SYT14: variants seen among roughly 807,000 people sequenced by gnomAD.
SYT14 encodes synaptotagmin-14.
A neutral mutation model predicts 74.2 loss-of-function variants in SYT14; 32 were observed. The ratio of observed to expected loss-of-function variants is 0.43; its 90% CI spans 0.33 to 0.58. SYT14 has a LOEUF of 0.58. Among genes scored for constraint, SYT14 ranks in the 20% least tolerant of loss-of-function variants. The pLI, the probability that SYT14 is intolerant of heterozygous loss-of-function variation, is 0.05. For missense variants in SYT14, 791 were observed against 981.8 expected, an observed-to-expected ratio of 0.81 and a Z score of 2.60; for synonymous variants, 298 against 337.7, an observed-to-expected ratio of 0.88 and a Z score of 1.29.
intron 5 of SYT14, among the ~76,000 whole-genome samples, chr1:210,068,104 G>A (rs1269415954): frequency 6.6e-6 from 1 of 151,738 alleles, no homozygotes; most frequent in African/African-American, 2.4e-5. Context: ...TTGAATTAAG[G>A]AAATTCCCTT....
intron 7 of SYT14, among the ~76,000 whole-genome samples, chr1:210,140,755 AT>A (rs751769698): frequency 1.2e-4 from 19 of 152,086 alleles, no homozygotes; most frequent in Non-Finnish European, 2.4e-4. Context: ...TTGAAAAAAA[AT>A]CTTTTTTTCA....
intron 7 of SYT14, among the ~76,000 whole-genome samples, chr1:210,139,320 G>A (rs867145458): frequency 1.9e-5 from 2 of 107,112 alleles, no homozygotes; most frequent in African/African-American, 7.4e-5. Context: ...TTGCCATGTT[G>A]CCCAGGCTGG....
intron 1 of SYT14, among the ~76,000 whole-genome samples, chr1:209,946,242 C>T (rs1350844039): frequency 6.6e-6 from 1 of 152,192 alleles, no homozygotes; most frequent in African/African-American, 2.4e-5. Flanking sequence ...AGTCACATGT[C>T]TCTCACTTTA....
chr1:209,967,996 C>A (rs1220852896), intron 2 of SYT14, among the ~76,000 whole-genome samples: 1 of 151,984 alleles, frequency 6.6e-6, no homozygotes, highest in African/African-American at 2.4e-5. Context: ...TTAAAAAAAT[C>A]AGTATATTGA....
chr1:210,032,932 A>G (rs965464836), intron 5 of SYT14, among the ~76,000 whole-genome samples: 3 of 149,460 alleles, frequency 2.0e-5, no homozygotes, highest in African/African-American at 4.9e-5. Context: ...TGCATTTTCA[A>G]TTTTTTTTTT....
intron 3 of SYT14, among the ~76,000 whole-genome samples, chr1:210,014,396 G>A (rs980940189): frequency 6.9e-6 from 1 of 145,606 alleles, no homozygotes; most frequent in Non-Finnish European, 1.5e-5. Context: ...TTTCTCCTAT[G>A]GAAACATTTT....
chr1:210,156,945 C>A, intron 8 of SYT14: 1 of 307,808 alleles, frequency 3.2e-6, no homozygotes, highest in Non-Finnish European at 7.2e-6. Context: ...CCATCCACTT[C>A]GGCCTCCCAA....
At chr1:209,984,502 A>G (rs539458209) in intron 2 of SYT14, among the ~76,000 whole-genome samples, 16 of 152,272 alleles carry the variant, frequency 1.1e-4, no homozygotes, top group African/African-American at 3.4e-4. Flanking sequence ...TATCTTTTAA[A>G]AATTTTTAAA....
intron 5 of SYT14, among the ~76,000 whole-genome samples, chr1:210,032,646 G>C (rs534830713): frequency 2.4e-4 from 26 of 109,884 alleles, no homozygotes; most frequent in African/African-American, 1.3e-3. Flanking sequence ...TCTGACTCTA[G>C]TACCCAGTAA....
chr1:210,068,967 A>C (rs2081344822), intron 5 of SYT14, among the ~76,000 whole-genome samples: 2 of 151,846 alleles, frequency 1.3e-5, no homozygotes, highest in Non-Finnish European at 2.9e-5. Flanking sequence ...AACACATTTT[A>C]ATATGCAATA....
At chr1:210,108,787 A>C (rs2082205732) in intron 7 of SYT14, among the ~76,000 whole-genome samples, 1 of 152,208 alleles carries the variant, frequency 6.6e-6, no homozygotes, top group Non-Finnish European at 1.5e-5. Flanking sequence ...TATGGGCAGG[A>C]GAAGTAGAAA....
intron 5 of SYT14, among the ~76,000 whole-genome samples, chr1:210,050,173 C>G (rs886608956): frequency 6.6e-6 from 1 of 152,176 alleles, no homozygotes; most frequent in Non-Finnish European, 1.5e-5. Context: ...GTCTTGAATG[C>G]TTTTCTGCTT....
chr1:210,160,599 G>T (rs868344775), intron 9 of SYT14, 130 bp from the exon 9 acceptor site: 2 of 796,314 alleles, frequency 2.5e-6, no homozygotes, highest in Non-Finnish European at 3.9e-6. Flanking sequence ...GGAATTGGTC[G>T]AATGTCCATT....
intron 5 of SYT14, among the ~76,000 whole-genome samples, chr1:210,034,027 A>G (rs1034864197): frequency 4.6e-5 from 7 of 151,878 alleles, no homozygotes; most frequent in Non-Finnish European, 8.9e-5. Context: ...TAAAAAGTAT[A>G]GTTCTGCAAA....
intron 1 of SYT14, 54 bp downstream of exon 1, chr1:209,938,331 G>A: frequency 6.6e-7 from 1 of 1,521,756 alleles, no homozygotes; most frequent in Non-Finnish European, 8.9e-7. Flanking sequence ...AGCTGGCGGG[G>A]GGCTCGGAGG....
rs2082274161 is a variant in SYT14, at chr1:210,112,092, C to G, written c.2034+11631C>G. Among the ~76,000 whole-genome samples the G allele has an allele frequency of 1.3e-5, 2 of 151,294 alleles. 1 individual carries two copies. Among genetic ancestry groups the G allele is most frequent in the African/African-American group, 4.9e-5 (2 of 40,576 alleles). ...GGAAGGCCAAACCAAGGAATTATGT[C>G]TCACAGAAGGGAAGAAATGACTGCA... On this transcript the variant is annotated intron_variant, in intron 7 of 9. Coordinates refer to ENST00000637265, the Ensembl canonical transcript of SYT14.
chr1:210,142,945 C>T (rs1029243840), intron 7 of SYT14, among the ~76,000 whole-genome samples: 4 of 152,208 alleles, frequency 2.6e-5, no homozygotes, highest in African/African-American at 9.7e-5. Context: ...ACATGAATCT[C>T]TGTTTTATAA....
At chr1:210,074,016 G>A (rs971708249) in intron 5 of SYT14, among the ~76,000 whole-genome samples, 1 of 152,112 alleles carries the variant, frequency 6.6e-6, no homozygotes, top group Non-Finnish European at 1.5e-5. Context: ...TGGTTTAACA[G>A]GGTAGACTGT....
At chr1:209,969,875 T>C (rs1416980894) in intron 2 of SYT14, among the ~76,000 whole-genome samples, 1 of 152,210 alleles carries the variant, frequency 6.6e-6, no homozygotes, top group Non-Finnish European at 1.5e-5. Context: ...TTGAGAAGTG[T>C]CTGTTTATGT....
Sources: gnomAD v4.1 joint callset for allele counts (sites outside exome capture counted in the v4.1 genomes callset) on GRCh38, gnomAD v4.1.1 for gene constraint, MANE v1.5 for transcripts, NCBI Gene and HGNC (gene_info 2026-07-23, HGNC 2026-07-21) for gene names.